Variants in IMMP2L observed in about 807,000 individuals in gnomAD.
IMMP2L encodes inner mitochondrial membrane peptidase subunit 2, also known as mitochondrial inner membrane protease subunit 2.
A neutral mutation model predicts 19.3 loss-of-function variants in IMMP2L; 18 were observed. The ratio of observed to expected loss-of-function variants is 0.93; its 90% CI spans 0.64 to 1.38. The LOEUF (loss-of-function observed/expected upper bound fraction) is 1.38, where lower values mean the gene tolerates loss of function less well. Among genes scored for constraint, IMMP2L ranks in the 40% most tolerant of loss-of-function variants. The pLI, the probability that IMMP2L is intolerant of heterozygous loss-of-function variation, is 0.00. For synonymous variants in IMMP2L, 76 were observed against 73.0 expected, an observed-to-expected ratio of 1.04 and a Z score of -0.21; for missense variants, 233 against 218.2, an observed-to-expected ratio of 1.07 and a Z score of -0.43.
intron 3 of IMMP2L, among the ~76,000 whole-genome samples, chr7:111,307,049 C>T (rs1023179848): frequency 6.7e-6 from 1 of 149,364 alleles, no homozygotes; most frequent in African/African-American, 2.4e-5. Flanking sequence ...TTTATATAGT[C>T]CTTAGTTTAT....
rs566793541 is a variant in IMMP2L, at chr7:110,921,706, G to A, written c.306-35011C>T. On this transcript the variant is annotated intron_variant, in intron 4 of 5. Transcript: ENST00000405709. ...ATTATGTTTTCATCTATTCAGTAAT[G>A]TGAAAGCTTGGATCTTGGAATAACA... 2.0e-5 allele frequency among the ~76,000 whole-genome samples: 3 copies of A among 152,254 alleles called. No homozygotes were observed. The East Asian group carries it at 5.8e-4, about 29-fold the overall frequency.
chr7:111,407,875 A>T (rs1220885624), intron 3 of IMMP2L, among the ~76,000 whole-genome samples: 1 of 152,060 alleles, frequency 6.6e-6, no homozygotes, highest in Non-Finnish European at 1.5e-5. Flanking sequence ...GACTAATAAT[A>T]ATGGTGACAA....
intron 4 of IMMP2L, among the ~76,000 whole-genome samples, chr7:110,889,883 T>C (rs527416351): frequency 4.6e-4 from 70 of 152,336 alleles, no homozygotes; most frequent in African/African-American, 1.5e-3. Flanking sequence ...AAGTGGCATA[T>C]ATTAAACACT....
At chr7:111,002,488 GT>G (rs1563149866) in intron 3 of IMMP2L, among the ~76,000 whole-genome samples, 1 of 152,082 alleles carries the variant, frequency 6.6e-6, no homozygotes, top group Non-Finnish European at 1.5e-5. Context: ...TAAGGCAGAG[GT>G]TCTTCAGAAT....
chr7:111,226,082 C>T (rs552501588), intron 3 of IMMP2L, among the ~76,000 whole-genome samples: 2 of 152,080 alleles, frequency 1.3e-5, no homozygotes, highest in South Asian at 4.2e-4. Flanking sequence ...AAAGACTTTG[C>T]CTAAAATCAT....
In IMMP2L at chr7:111,072,666, C is replaced by A. The variant is rs558653853; in HGVS notation, c.240-109101G>T. On this transcript the variant is annotated intron_variant, in intron 3 of 5. Coordinates refer to ENST00000405709, the MANE Select transcript of IMMP2L (RefSeq NM_032549.4). ...ATCCCAGCACTTTGGGAGGCCGAGG[C>A]AGGCGGATCACGAGGTCAGGAGATT... Among the ~76,000 whole-genome samples, 4 of 152,100 alleles carry A rather than the reference C, an allele frequency of 2.6e-5. No individual in the cohort carries two copies. In the South Asian group the frequency reaches 6.2e-4, roughly 24 times the overall value.
chr7:110,805,413 A>C (rs537093541), intron 5 of IMMP2L, among the ~76,000 whole-genome samples: 18 of 152,094 alleles, frequency 1.2e-4, no homozygotes, highest in Non-Finnish European at 1.8e-4. Context: ...TGTAGAATGA[A>C]CGAATAATAC....
chr7:111,208,458 A>C (rs1247181374), intron 3 of IMMP2L, among the ~76,000 whole-genome samples: 1 of 152,114 alleles, frequency 6.6e-6, no homozygotes, highest in Non-Finnish European at 1.5e-5. Flanking sequence ...ACTGATACTT[A>C]CTCATTTAAT....
chr7:111,451,210 G>A (rs1483915234), intron 3 of IMMP2L, among the ~76,000 whole-genome samples: 2 of 142,170 alleles, frequency 1.4e-5, no homozygotes, highest in Non-Finnish European at 3.0e-5. Flanking sequence ...CCATTACTGG[G>A]TATATACCCC....
At chr7:111,067,077 C>G (rs928754646) in intron 3 of IMMP2L, among the ~76,000 whole-genome samples, 2 of 152,196 alleles carry the variant, frequency 1.3e-5, no homozygotes, top group Non-Finnish European at 2.9e-5. Flanking sequence ...AACTTCATGT[C>G]TGGTACTTTC....
At chr7:110,754,895 A>G (rs906041500) in intron 5 of IMMP2L, among the ~76,000 whole-genome samples, 2 of 151,248 alleles carry the variant, frequency 1.3e-5, no homozygotes, top group Admixed American at 6.6e-5. Context: ...GCAGGGTTAC[A>G]GCACGTTCTA....
chr7:111,503,503 C>A (rs529485929), intron 2 of IMMP2L, among the ~76,000 whole-genome samples: 1 of 152,206 alleles, frequency 6.6e-6, no homozygotes, highest in South Asian at 2.1e-4. Flanking sequence ...CAAAGCCTGG[C>A]AGAGACACAA....
chr7:111,453,739 C>G (rs919786575), intron 3 of IMMP2L, among the ~76,000 whole-genome samples: 4 of 152,044 alleles, frequency 2.6e-5, no homozygotes, highest in African/African-American at 7.2e-5. Flanking sequence ...TTGATCCAAC[C>G]CAAGAATCAC....
chr7:111,104,702 T>C (rs1358547073), intron 3 of IMMP2L, among the ~76,000 whole-genome samples: 1 of 151,760 alleles, frequency 6.6e-6, no homozygotes, highest in Non-Finnish European at 1.5e-5. Flanking sequence ...GGATGAAAAG[T>C]GTGAAGGACT....
chr7:111,356,985 C>T lies in IMMP2L; in HGVS notation c.239+130253G>A, dbSNP rs182806098. On this transcript the variant is annotated intron_variant, in intron 3 of 5. Coordinates refer to ENST00000405709, the MANE Select transcript of IMMP2L (RefSeq NM_032549.4). ...CAGTGAGCCCGAGATGGTGCCATTGCACTCCAGCCTGGGCAACAAGAGTGA... is the reference window on the plus strand; with the variant it reads ...CAGTGAGCCCGAGATGGTGCCATTGTACTCCAGCCTGGGCAACAAGAGTGA... 2.6e-3 allele frequency among the ~76,000 whole-genome samples: 399 copies of T among 152,218 alleles called. 3 individuals carry two copies. The highest frequency in any genetic ancestry group is 9.4e-3 in the African/African-American group (391 of 41,538).
At chr7:110,840,582 G>T (rs990263346) in intron 5 of IMMP2L, among the ~76,000 whole-genome samples, 1 of 151,948 alleles carries the variant, frequency 6.6e-6, no homozygotes, top group Non-Finnish European at 1.5e-5. Flanking sequence ...AAAATTACAT[G>T]GAATAACTTG....
intron 5 of IMMP2L, among the ~76,000 whole-genome samples, chr7:110,716,346 T>A (rs549730671): frequency 5.1e-4 from 78 of 152,178 alleles, no homozygotes; most frequent in Non-Finnish European, 8.7e-4. Flanking sequence ...ATGAAGTTTG[T>A]TGGTTGGTTG....
intron 3 of IMMP2L, among the ~76,000 whole-genome samples, chr7:111,035,966 G>A (rs989654856): frequency 6.6e-6 from 1 of 152,074 alleles, no homozygotes; most frequent in Non-Finnish European, 1.5e-5. Flanking sequence ...ACCTCACAAA[G>A]TTATTGTGAG....
At chr7:110,734,720 CAAA>C (rs1162312284) in intron 5 of IMMP2L, among the ~76,000 whole-genome samples, 1 of 11,496 alleles carries the variant, frequency 8.7e-5, no homozygotes. Flanking sequence ...TAATTTGTTT[CAAA>C]CAAACAAACA....
Sources: allele counts gnomAD v4.1 joint callset (sites outside exome capture counted in the v4.1 genomes callset), GRCh38; gene constraint gnomAD v4.1.1; transcripts MANE v1.5; gene names NCBI Gene and HGNC (gene_info 2026-07-23, HGNC 2026-07-21).